Variants in LRRC37A2 observed in about 807,000 individuals in gnomAD.
LRRC37A2 encodes leucine-rich repeat-containing protein 37A2.
In LRRC37A2, 9 loss-of-function variants were observed where a neutral mutation model predicts 68.8. The ratio of observed to expected loss-of-function variants is 0.13; its 90% CI spans 0.08 to 0.23. The LOEUF (loss-of-function observed/expected upper bound fraction) is 0.23, where lower values mean the gene tolerates loss of function less well. Ranked by LOEUF, LRRC37A2 falls within the 10% of genes least tolerant of loss-of-function variation. The probability of loss-of-function intolerance (pLI) is 1.00; values close to 1 mark genes in which losing one functional copy is unlikely to be tolerated. For missense variants in LRRC37A2, 168 were observed against 950.4 expected (o/e 0.18, Z 10.82); for synonymous variants, 63 against 367.6 (o/e 0.17, Z 9.48).
the LRRC37A2 span, among the ~76,000 whole-genome samples, chr17:46,810,672 G>A: frequency 3.2e-3 from 487 of 151,910 alleles, 2 homozygotes; most frequent in Non-Finnish European, 5.2e-3. Flanking sequence ...ACCCTTCCCT[G>A]AGACCAGCTT....
At chr17:46,773,619 T>TGGGGGG in the LRRC37A2 span, 1 of 549,848 alleles carries the variant, frequency 1.8e-6, no homozygotes, top group Non-Finnish European at 3.2e-6. Flanking sequence ...ACAGTCCTGA[T>TGGGGGG]CCCTCCCCCC....
the LRRC37A2 span, chr17:46,921,152 A>C: frequency 1.3e-5 from 2 of 152,156 alleles, no homozygotes; most frequent in Non-Finnish European, 2.9e-5. Context: ...GAAGGTTAGC[A>C]CTCCCTTTGA....
the LRRC37A2 span, among the ~76,000 whole-genome samples, chr17:46,902,940 A>G: frequency 3.6e-4 from 55 of 152,176 alleles, no homozygotes; most frequent in Non-Finnish European, 7.5e-4. Flanking sequence ...TGACAGTTGA[A>G]GGGAAGTTCT....
At chr17:46,924,074 T>C in the LRRC37A2 span, among the ~76,000 whole-genome samples, 3 of 152,346 alleles carry the variant, frequency 2.0e-5, no homozygotes, top group South Asian at 6.2e-4. Context: ...TACGATCCAT[T>C]TCCAGAACTT....
At chr17:47,034,149 T>A in the LRRC37A2 span, among the ~76,000 whole-genome samples, 1 of 152,210 alleles carries the variant, frequency 6.6e-6, no homozygotes, top group Non-Finnish European at 1.5e-5. Flanking sequence ...CAGCCTGGGC[T>A]ACAAAGTGAG....
the LRRC37A2 span, among the ~76,000 whole-genome samples, chr17:46,490,132 G>A: frequency 6.6e-6 from 1 of 151,200 alleles, no homozygotes; most frequent in East Asian, 1.9e-4. Context: ...TCAGGGGATT[G>A]GCAAACTTGT....
At chr17:46,802,728 C>G in the LRRC37A2 span, among the ~76,000 whole-genome samples, 2 of 152,210 alleles carry the variant, frequency 1.3e-5, no homozygotes, top group Non-Finnish European at 2.9e-5. Flanking sequence ...GGTTCAAGTG[C>G]TTCCGGATAG....
At chr17:46,818,819 T>G in the LRRC37A2 span, 2 of 610,340 alleles carry the variant, frequency 3.3e-6, no homozygotes, top group Non-Finnish European at 5.8e-6. Flanking sequence ...AGGTAAGAGA[T>G]GAGTCTGTAG....
At chr17:46,941,051 C>G in the LRRC37A2 span, 118 of 1,085,450 alleles carry the variant, frequency 1.1e-4, no homozygotes, top group East Asian at 4.8e-3. Context: ...GCAAGAAACT[C>G]CGGTAGCCAG....
At chr17:47,031,058 A>G in the LRRC37A2 span, among the ~76,000 whole-genome samples, 1 of 151,488 alleles carries the variant, frequency 6.6e-6, no homozygotes, top group Non-Finnish European at 1.5e-5. Context: ...CAAAATCCTG[A>G]AATCATCCCT....
chr17:46,732,011 T>C, the LRRC37A2 span, among the ~76,000 whole-genome samples: 2 of 152,206 alleles, frequency 1.3e-5, no homozygotes, highest in Non-Finnish European at 2.9e-5. Context: ...AAGCATTCAC[T>C]TTGTCAAACC....
the LRRC37A2 span, among the ~76,000 whole-genome samples, chr17:46,998,409 C>T: frequency 6.6e-6 from 1 of 152,218 alleles, no homozygotes; most frequent in Non-Finnish European, 1.5e-5. Flanking sequence ...TAACTCTGGC[C>T]TGCTTTTGCT....
At chr17:46,800,590 C>T in the LRRC37A2 span, among the ~76,000 whole-genome samples, 1 of 152,198 alleles carries the variant, frequency 6.6e-6, no homozygotes. Context: ...ACAACAAGTA[C>T]CAGCTGGTCT....
the LRRC37A2 span, among the ~76,000 whole-genome samples, chr17:47,027,237 G>C: frequency 6.6e-6 from 1 of 152,086 alleles, no homozygotes; most frequent in African/African-American, 2.4e-5. Flanking sequence ...ATTAGAAATT[G>C]TATATATAGA....
the LRRC37A2 span, among the ~76,000 whole-genome samples, chr17:46,843,941 T>G: frequency 2.7e-4 from 41 of 152,354 alleles, no homozygotes; most frequent in Admixed American, 2.4e-3. Flanking sequence ...ATATTATGTA[T>G]TCATACTTTA....
chr17:46,989,094 G>A, the LRRC37A2 span, among the ~76,000 whole-genome samples: 1 of 152,190 alleles, frequency 6.6e-6, no homozygotes. Flanking sequence ...ATCATTTTCA[G>A]ACTCTGCTAG....
the LRRC37A2 span, among the ~76,000 whole-genome samples, chr17:46,969,563 T>A: frequency 1.1e-3 from 162 of 152,306 alleles, no homozygotes; most frequent in African/African-American, 3.8e-3. Flanking sequence ...GCTTCCCTGC[T>A]CCAGGCTGGG....
the LRRC37A2 span, among the ~76,000 whole-genome samples, chr17:46,882,451 G>A: frequency 6.6e-6 from 1 of 152,158 alleles, no homozygotes; most frequent in Admixed American, 6.5e-5. Flanking sequence ...GCTGTAAGGA[G>A]CCACAGGATG....
At chr17:47,035,110 T>G in the LRRC37A2 span, 2 of 152,254 alleles carry the variant, frequency 1.3e-5, no homozygotes, top group South Asian at 4.1e-4. Flanking sequence ...ATGTTTGGTC[T>G]TCTGGCACCT....
Sources: allele counts gnomAD v4.1 joint callset (sites outside exome capture counted in the v4.1 genomes callset), GRCh38; gene constraint gnomAD v4.1.1; transcripts MANE v1.5; gene names NCBI Gene and HGNC (gene_info 2026-07-23, HGNC 2026-07-21).